The following ZC3H14 variants were observed in gnomAD, a reference collection of about 807,000 sequenced individuals.
The protein encoded by ZC3H14 is zinc finger CCCH domain-containing protein 14.
ZC3H14 carries 31 observed loss-of-function variants against 92.4 expected under a neutral mutation model. That is an observed-to-expected ratio of 0.34 (90% CI 0.25 to 0.45). The LOEUF is 0.45. Among genes scored for constraint, ZC3H14 ranks in the 20% least tolerant of loss-of-function variants. The pLI, the probability that ZC3H14 is intolerant of heterozygous loss-of-function variation, is 1.00. For synonymous variants in ZC3H14, 321 were observed against 300.9 expected, an observed-to-expected ratio of 1.07 and a Z score of -0.69; for missense variants, 781 against 897.3, an observed-to-expected ratio of 0.87 and a Z score of 1.66.
chr14:88,563,392 AGGCGCAGGCCCGGCTGGAGCCACCACCGC>A (rs1405309280), intron 1 of ZC3H14: 140 of 1,438,212 alleles, frequency 9.7e-5, no homozygotes, highest in Non-Finnish European at 1.2e-4. Flanking sequence ...ATGGAAGGAC[AGGCGCAGGCCCGGCTGGAGCCACCACCGC>A]GGCGCACGGC....
rs1018879470 is a variant in ZC3H14 at position 88,611,692 on chromosome 14, A to G, written c.2205-53A>G. The G allele has an allele frequency of 4.3e-6, 7 of 1,610,396 alleles. No homozygotes were observed. The Admixed American group carries it at 8.3e-5, about 19-fold the overall frequency. ...AACTTTTTAAACTGAGATATATGGT[A>G]TATATGGATACAAAGCAGATAATTA... is the stretch of plus-strand genomic sequence containing the variant. On this transcript the variant is annotated intron_variant, in intron 16 of 16. Transcript: ENST00000251038.
rs2088038256 is a variant in ZC3H14, at chr14:88,618,094, A to G, written c.*6343A>G. 1 of 606,336 alleles carries G rather than the reference A, an allele frequency of 1.6e-6. No individual in the cohort carries two copies. Among genetic ancestry groups the G allele is most frequent in the Non-Finnish European group, 2.8e-6 (1 of 355,562 alleles). The allele number at this position is 606,336 out of a possible 1,614,324, so 37.6% of individuals were successfully genotyped here. A position where few individuals can be genotyped will look rare whatever the true frequency, so the allele number is the denominator to read the frequency against. On this transcript the variant is annotated 3_prime_UTR_variant, in exon 17 of 17. Transcript: ENST00000251038. ...AAAGGGGTCCCAACATGAACATACC[A>G]TTTCAAAATATGGTAACAAAAACTT... is the stretch of plus-strand genomic sequence containing the variant.
chr14:88,568,150 T>G lies in ZC3H14; in HGVS notation c.191T>G (p.Val64Gly). The G allele has an allele frequency of 3.1e-6, 5 of 1,613,590 alleles. No individual in the cohort carries two copies. The highest frequency in any genetic ancestry group is 4.2e-6 in the Non-Finnish European group (5 of 1,179,612). The change falls in exon 3 of 17, where the codon GTA becomes GGA. Residue 64 changes from valine to glycine, a missense_variant. Around this residue, in one of 3 missense-constraint regions of ZC3H14, gnomAD observed 106 missense variants for 154.2 expected, o/e 0.69. Transcript: ENST00000251038. Reference sequence around the variant, plus strand: ...GGGAACAACACAATTCGATTCACCGTATGGTATGTTTCTGAATTTTTGTGC... The same window carrying G: ...GGGAACAACACAATTCGATTCACCGGATGGTATGTTTCTGAATTTTTGTGC... ...FLGNNTIRFT[V>G]WLHGVLDKLR...
At chr14:88,604,669 C>T (rs998965417) in intron 12 of ZC3H14, among the ~76,000 whole-genome samples, 1 of 151,476 alleles carries the variant, frequency 6.6e-6, no homozygotes. Context: ...TCTCAGCTCA[C>T]TGCAACTTCT....
At chr14:88,587,264 G>A (rs1342279774) in intron 9 of ZC3H14, among the ~76,000 whole-genome samples, 3 of 151,704 alleles carry the variant, frequency 2.0e-5, no homozygotes, top group Non-Finnish European at 4.4e-5. Flanking sequence ...CTGGGTTTAA[G>A]TGATTCTCCT....
chr14:88,594,338 T>C (rs1185238269), intron 9 of ZC3H14: 1 of 967,588 alleles, frequency 1.0e-6, no homozygotes, highest in Non-Finnish European at 1.2e-6. Flanking sequence ...GAAAATTCTT[T>C]GTGTGACACA....
chr14:88,602,193 T>G (rs938761281), intron 11 of ZC3H14, 110 bp downstream of exon 11: 2 of 1,454,086 alleles, frequency 1.4e-6, no homozygotes, highest in Non-Finnish European at 1.9e-6. Flanking sequence ...CGTAGAGTGC[T>G]TTCATTGATT....
At position 88,627,334 on chromosome 14, in the gene ZC3H14, A is replaced by C; in HGVS notation, c.*15583A>C. ...GCCATTATCATTAGAAATATACATA[A>C]TTTTCATAAGAATCTCCAAAACCAA... On this transcript the variant is annotated 3_prime_UTR_variant, in exon 17 of 17. Transcript: ENST00000251038. The C allele has an allele frequency of 2.2e-6, 1 of 456,162 alleles. No individual in the cohort carries two copies. Among genetic ancestry groups the C allele is most frequent in the Non-Finnish European group, 3.9e-6 (1 of 258,992 alleles). The allele number at this position is 456,162 out of a possible 1,614,324, so 28.3% of individuals were successfully genotyped here.
intron 16 of ZC3H14, 83 bp from the exon 17 acceptor site, chr14:88,611,662 T>TAGTC: frequency 6.5e-7 from 1 of 1,534,846 alleles, no homozygotes; most frequent in South Asian, 1.2e-5. Flanking sequence ...TGCTTAAAAC[T>TAGTC]AGTCAACTTT....
chr14:88,586,025 A>T (rs2082433610), intron 9 of ZC3H14, among the ~76,000 whole-genome samples: 1 of 152,156 alleles, frequency 6.6e-6, no homozygotes, highest in Admixed American at 6.5e-5. Flanking sequence ...AAAATTAGCC[A>T]GGCATGGTGG....
intron 10 of ZC3H14, among the ~76,000 whole-genome samples, chr14:88,599,182 C>G (rs1163694862): frequency 6.6e-6 from 1 of 152,184 alleles, no homozygotes; most frequent in East Asian, 1.9e-4. Flanking sequence ...CCATTTCTTC[C>G]ATTTCTTCCT....
chr14:88,599,320 T>C (rs952738930), intron 10 of ZC3H14, among the ~76,000 whole-genome samples: 1 of 152,242 alleles, frequency 6.6e-6, no homozygotes, highest in Non-Finnish European at 1.5e-5. Context: ...TTTTCCACTT[T>C]GAAAATTTCT....
intron 2 of ZC3H14, among the ~76,000 whole-genome samples, chr14:88,567,492 C>T (rs1364900068): frequency 2.0e-5 from 3 of 151,348 alleles, no homozygotes; most frequent in African/African-American, 4.9e-5. Flanking sequence ...AGGGTAAAAC[C>T]GTGCATTGAG....
chr14:88,585,443 C>G (rs566749254), intron 9 of ZC3H14, among the ~76,000 whole-genome samples: 1 of 149,374 alleles, frequency 6.7e-6, no homozygotes, highest in East Asian at 2.0e-4. Context: ...GTAGCGCGAT[C>G]TCGGCTCACC....
At chr14:88,593,013 G>C (rs952442507) in intron 9 of ZC3H14, among the ~76,000 whole-genome samples, 13 of 147,678 alleles carry the variant, frequency 8.8e-5, no homozygotes, top group African/African-American at 2.7e-4. Flanking sequence ...CTGTCGCCTA[G>C]GCTGGAGTGC....
At chr14:88,570,006 A>G (rs1273469779) in intron 3 of ZC3H14, among the ~76,000 whole-genome samples, 2 of 152,162 alleles carry the variant, frequency 1.3e-5, no homozygotes, top group East Asian at 1.9e-4. Flanking sequence ...TATTGTGAGT[A>G]CTATTTTTTT....
Position 88,578,135 on chromosome 14 carries a change from A to G in ZC3H14, c.1274A>G (p.Asn425Ser). 6.2e-7 allele frequency: 1 copy of G among 1,614,060 alleles called. No homozygotes were observed. Among genetic ancestry groups the G allele is most frequent in the Non-Finnish European group, 8.5e-7 (1 of 1,179,962 alleles). ...ACAAAAGGAGATTCTGTAGAAAAAA[A>G]TCAAGGTAATAACTTAAATGATGTT... Reference protein sequence around the residue: ...EETKGDSVEKNQGTQQRQLLS... With the variant: ...EETKGDSVEKSQGTQQRQLLS... Residue 425 changes from asparagine (N) to serine (S), a missense_variant, in exon 9 of 17, where the codon AAT becomes AGT. This residue lies in a region of ZC3H14 where 454 missense variants were observed against 438.5 expected (regional missense o/e 1.04). Coordinates refer to ENST00000251038, the MANE Select transcript of ZC3H14 (RefSeq NM_024824.5).
At chr14:88,595,298 A>G (rs1018495050) in intron 9 of ZC3H14, among the ~76,000 whole-genome samples, 4 of 152,230 alleles carry the variant, frequency 2.6e-5, no homozygotes, top group Non-Finnish European at 5.9e-5. Flanking sequence ...TCAGAATTCC[A>G]TCCTCTTTAA....
intron 7 of ZC3H14, among the ~76,000 whole-genome samples, 160 bp from the exon 8 acceptor site, chr14:88,575,679 TA>T (rs879689252): frequency 1.3e-4 from 19 of 146,042 alleles, no homozygotes; most frequent in South Asian, 2.2e-4. Flanking sequence ...AGAGTCTGTC[TA>T]AAAAAAAAAA....
Sources: gnomAD v4.1 joint callset for allele counts (sites outside exome capture counted in the v4.1 genomes callset) on GRCh38, gnomAD v4.1.1 for gene constraint, gnomAD v4.1.1 regional missense constraint, MANE v1.5 for transcripts, NCBI Gene and HGNC (gene_info 2026-07-23, HGNC 2026-07-21) for gene names.